The following ZFYVE26 variants were observed in gnomAD, a reference collection of about 807,000 sequenced individuals.
ZFYVE26 encodes the protein zinc finger FYVE domain-containing protein 26.
A neutral mutation model predicts 276.5 loss-of-function variants in ZFYVE26; 181 were observed. That is an observed-to-expected ratio of 0.65 (90% CI 0.58 to 0.74). The LOEUF is 0.74. Ranked by LOEUF, ZFYVE26 falls within the 30% of genes least tolerant of loss-of-function variation. The probability of loss-of-function intolerance (pLI) is 0.00; values close to 1 mark genes in which losing one functional copy is unlikely to be tolerated. For missense variants in ZFYVE26, 2,821 were observed against 3,097.9 expected, an observed-to-expected ratio of 0.91 and a Z score of 2.12; for synonymous variants, 1,129 against 1,203.1, an observed-to-expected ratio of 0.94 and a Z score of 1.27.
chr14:67,749,402 C>T (rs2038576159), intron 41 of ZFYVE26, among the ~76,000 whole-genome samples: 2 of 152,114 alleles, frequency 1.3e-5, no homozygotes, highest in Admixed American at 6.5e-5. Context: ...GTCTATGTCC[C>T]AGGATCGCTA....
chr14:67,792,400 G>A (rs1352151409), intron 14 of ZFYVE26, among the ~76,000 whole-genome samples: 4 of 152,096 alleles, frequency 2.6e-5, no homozygotes, highest in Non-Finnish European at 5.9e-5. Context: ...AATAGTAGAG[G>A]ATTTTTATAT....
intron 13 of ZFYVE26, among the ~76,000 whole-genome samples, chr14:67,736,453 G>T (rs2038353366): frequency 6.6e-6 from 1 of 152,108 alleles, no homozygotes; most frequent in Non-Finnish European, 1.5e-5. Context: ...CTATCCAAAT[G>T]AAACATAAAG....
At chr14:67,814,980 T>G (rs1380542044) in intron 2 of ZFYVE26, among the ~76,000 whole-genome samples, 1 of 152,192 alleles carries the variant, frequency 6.6e-6, no homozygotes, top group Admixed American at 6.5e-5. Flanking sequence ...TCACCAGTGG[T>G]TACTAGCATC....
intron 4 of ZFYVE26, 89 bp from the exon 5 acceptor site, chr14:67,808,009 T>C: frequency 6.8e-7 from 1 of 1,479,774 alleles, no homozygotes; most frequent in South Asian, 1.2e-5. Context: ...TTTTTCAGTT[T>C]ACTTATATAA....
At chr14:67,782,699 T>C in intron 21 of ZFYVE26, 81 bp downstream of exon 21, 1 of 1,586,806 alleles carries the variant, frequency 6.3e-7, no homozygotes, top group Non-Finnish European at 8.6e-7. Context: ...AGAGTTACCG[T>C]GAGGATTAAA....
rs183796831 is a variant in ZFYVE26 at position 67,750,095 on chromosome 14, T to C, written c.7416+957A>G. Among the ~76,000 whole-genome samples the C allele has an allele frequency of 2.9e-3, 436 of 152,274 alleles. 1 individual carries two copies. Among genetic ancestry groups the C allele is most frequent in the African/African-American group, 7.8e-3 (325 of 41,556 alleles). On this transcript the variant is annotated intron_variant, in intron 41 of 41. Transcript: ENST00000347230. Reference sequence around the variant, plus strand: ...GTGAAGGCTTGAGAAAGAACTGCAGTCTGGGAATCAGAGGACCTGGGCGTC... The same window carrying C: ...GTGAAGGCTTGAGAAAGAACTGCAGCCTGGGAATCAGAGGACCTGGGCGTC...
At chr14:67,762,538 G>A in intron 33 of ZFYVE26, 126 bp from the exon 34 acceptor site, 1 of 1,542,808 alleles carries the variant, frequency 6.5e-7, no homozygotes. Context: ...TTCTCTGCTG[G>A]CAAACTAGTC....
At chr14:67,741,234 T>A (rs79944862) in intron 13 of ZFYVE26, among the ~76,000 whole-genome samples, 2,284 of 152,318 alleles carry the variant, frequency 0.015, 64 homozygotes, top group African/African-American at 0.047. Context: ...ACAGTGTTAA[T>A]CATGAGAGTA....
Position 67,793,604 on chromosome 14 carries a change from T to G in ZFYVE26, c.2553+4A>C, listed in dbSNP as rs1277729768. On this transcript the variant is annotated splice_donor_region_variant and intron_variant, in intron 14 of 41. Coordinates refer to ENST00000347230, the MANE Select transcript of ZFYVE26 (RefSeq NM_015346.4). ...GGGGCTGAAAAGGTATGGCCTCCCC[T>G]CACCTGATGGGCTTCTGCGAAGTTC... 1 of 1,613,308 alleles carries G rather than the reference T, an allele frequency of 6.2e-7. No individual in the cohort carries two copies. Among genetic ancestry groups the G allele is most frequent in the Admixed American group, 1.7e-5 (1 of 59,932 alleles).
chr14:67,782,748 A>G, intron 21 of ZFYVE26, 32 bp downstream of exon 21: 1 of 1,613,500 alleles, frequency 6.2e-7, no homozygotes, highest in Non-Finnish European at 8.5e-7. Context: ...TATTACCACT[A>G]GTGAAAAAGG....
At chr14:67,808,886 A>T (rs2040237264) in intron 4 of ZFYVE26, among the ~76,000 whole-genome samples, 1 of 152,188 alleles carries the variant, frequency 6.6e-6, no homozygotes, top group Admixed American at 6.5e-5. Flanking sequence ...TAACTCTAAC[A>T]CATTCAGTGA....
At chr14:67,797,592 A>G in intron 12 of ZFYVE26, 80 bp downstream of exon 12, 1 of 1,456,110 alleles carries the variant, frequency 6.9e-7, no homozygotes, top group Non-Finnish European at 9.6e-7. Flanking sequence ...GTTTTTGACC[A>G]TGTGCTGTTT....
At position 67,781,392 on chromosome 14, in the gene ZFYVE26, G is replaced by T. The variant is rs1030331911; in HGVS notation, c.4510C>A (p.Gln1504Lys). 2.5e-6 allele frequency: 4 copies of T among 1,614,046 alleles called. No individual in the cohort carries two copies. In the African/African-American group the frequency reaches 5.3e-5, roughly 22 times the overall value. The change falls in exon 22 of 42, where the codon CAA becomes AAA. Residue 1504 changes from glutamine (Q) to lysine (K), a missense_variant. Gln to Lys is a moderately conservative substitution (Grantham distance 53). Coordinates refer to ENST00000347230, the MANE Select transcript of ZFYVE26 (RefSeq NM_015346.4). ...TGTAGCTCACACTTTAGTCCTTCTT[G>T]GACAGCCGTGTCTGAAATGCAGTAG... ...LAYCISDTAVQEGLKCELQRK... is the reference protein window; with the variant it reads ...LAYCISDTAVKEGLKCELQRK...
intron 9 of ZFYVE26, among the ~76,000 whole-genome samples, chr14:67,802,603 T>C (rs905337439): frequency 6.6e-6 from 1 of 152,218 alleles, no homozygotes; most frequent in African/African-American, 2.4e-5. Context: ...ATGTCTCTCT[T>C]GCCTCACCCT....
rs2039401500 is a variant in ZFYVE26 at position 67,778,225 on chromosome 14, C to G, written c.4698G>C (p.Trp1566Cys). 6.2e-7 allele frequency: 1 copy of G among 1,614,134 alleles called. No individual in the cohort carries two copies. The highest frequency in any genetic ancestry group is 8.5e-7 in the Non-Finnish European group (1 of 1,180,018). The change falls in exon 24 of 42, where the codon TGG becomes TGC. Residue 1566 changes from tryptophan to cysteine, a missense_variant. Transcript: ENST00000347230. ...CTCTTGGAATGGGGTACAGGCAGCC[C>G]CACTCTTCACACAGTTCATACTCCT... is the stretch of plus-strand genomic sequence containing the variant. The part of the protein sequence containing the change: ...EAQEYELCEE[W>C]GCLYPIPREH...
chr14:67,757,145 T>C (rs776857590), intron 35 of ZFYVE26, among the ~76,000 whole-genome samples: 3 of 152,198 alleles, frequency 2.0e-5, no homozygotes, highest in Non-Finnish European at 4.4e-5. Context: ...CCTGCCATCA[T>C]CGTTTGTCTG....
intron 13 of ZFYVE26, among the ~76,000 whole-genome samples, chr14:67,731,022 T>C: frequency 6.6e-6 from 1 of 152,182 alleles, no homozygotes. Flanking sequence ...GATTGCATGC[T>C]AAAATGATTT....
chr14:67,788,951 T>G (rs2039736685), intron 16 of ZFYVE26, among the ~76,000 whole-genome samples: 3 of 152,188 alleles, frequency 2.0e-5, no homozygotes, highest in Admixed American at 2.0e-4. Context: ...CAAGGTATGA[T>G]CATCCCTCCA....
At chr14:67,778,422 T>C in intron 23 of ZFYVE26, 174 bp from the exon 24 acceptor site, 1 of 748,832 alleles carries the variant, frequency 1.3e-6, no homozygotes, top group Non-Finnish European at 2.2e-6. Flanking sequence ...AGCACTACCA[T>C]AAAAAAAAGC....
Sources: gnomAD v4.1 joint callset for allele counts (sites outside exome capture counted in the v4.1 genomes callset) on GRCh38, gnomAD v4.1.1 for gene constraint, MANE v1.5 for transcripts, NCBI Gene and HGNC (gene_info 2026-07-23, HGNC 2026-07-21) for gene names.